The following PKHD1 variants were observed in gnomAD, a reference collection of about 807,000 sequenced individuals.
PKHD1 encodes the protein fibrocystin.
PKHD1 carries 291 observed loss-of-function variants against 412.0 expected under a neutral mutation model. That is an observed-to-expected ratio of 0.71 (90% CI 0.64 to 0.78). The LOEUF is 0.78. Among genes scored for constraint, PKHD1 ranks in the 30% least tolerant of loss-of-function variants. The pLI is 0.00. For synonymous variants in PKHD1, 1,777 were observed against 1,821.5 expected (o/e 0.98, Z 0.62); for missense variants, 4,825 against 4,950.7 (o/e 0.97, Z 0.76).
intron 34 of PKHD1, among the ~76,000 whole-genome samples, chr6:52,011,680 T>G (rs2894793): frequency 0.013 from 1,927 of 152,336 alleles, 27 homozygotes; most frequent in South Asian, 0.047. Context: ...AATGTTTTCT[T>G]CCACAATTTT....
rs113144792 is a variant in PKHD1, at chr6:51,616,527, A to ATT, written c.*2552_*2553dup. ...CTTTTGGTGTTTCCCTAATTCTCTC[A>ATT]TTTTTTTTTTTTTTTAGGAGAAAGA... On this transcript the variant is annotated 3_prime_UTR_variant, in exon 67 of 67. Transcript: ENST00000371117. 5,277 of 359,846 alleles carry ATT rather than the reference A, an allele frequency of 0.015. 32 individuals are homozygous for ATT. Among genetic ancestry groups the ATT allele is most frequent in the African/African-American group, 0.024 (1,096 of 44,924 alleles). The allele number at this position is 359,846 out of a possible 1,614,324, so 22.3% of individuals were successfully genotyped here.
At chr6:51,831,046 T>C in intron 51 of PKHD1, 57 bp from the exon 52 acceptor site, 1 of 1,369,034 alleles carries the variant, frequency 7.3e-7, no homozygotes, top group Non-Finnish European at 1.0e-6. Flanking sequence ...TTCCAAATTC[T>C]ATCCTTATTT....
chr6:51,757,959 T>TATGATC (rs946358217), intron 55 of PKHD1, among the ~76,000 whole-genome samples: 6 of 147,856 alleles, frequency 4.1e-5, no homozygotes, highest in South Asian at 2.1e-4. Context: ...TGGAGTGAGC[T>TATGATC]ATGATCATGC....
intron 60 of PKHD1, among the ~76,000 whole-genome samples, chr6:51,743,967 C>G (rs1270409006): frequency 6.6e-6 from 1 of 152,064 alleles, no homozygotes; most frequent in Non-Finnish European, 1.5e-5. Context: ...TGACATCTAC[C>G]CTACCATTGA....
chr6:51,944,581 CTA>C (rs1200607733), intron 36 of PKHD1, among the ~76,000 whole-genome samples: 2 of 152,164 alleles, frequency 1.3e-5, no homozygotes, highest in Non-Finnish European at 2.9e-5. Context: ...TTCCATACCC[CTA>C]TGATTTCATC....
intron 52 of PKHD1, among the ~76,000 whole-genome samples, chr6:51,804,463 T>G (rs1030021414): frequency 1.4e-5 from 2 of 147,880 alleles, no homozygotes; most frequent in Non-Finnish European, 2.9e-5. Flanking sequence ...GCTATTGTTT[T>G]CATATGCCCA....
intron 37 of PKHD1, among the ~76,000 whole-genome samples, chr6:51,927,129 C>T (rs1455539786): frequency 2.0e-5 from 3 of 152,122 alleles, no homozygotes; most frequent in Non-Finnish European, 2.9e-5. Context: ...CATTCTTCCC[C>T]TCTATTTAAT....
At chr6:52,082,585 T>C (rs746347564) in intron 3 of PKHD1, 43 bp from the exon 4 acceptor site, 2 of 1,600,174 alleles carry the variant, frequency 1.2e-6, no homozygotes, top group Non-Finnish European at 1.7e-6. Context: ...AGAATTGTCA[T>C]TGACACAGGA....
intron 55 of PKHD1, among the ~76,000 whole-genome samples, chr6:51,761,023 G>A (rs1049430465): frequency 6.6e-6 from 1 of 152,082 alleles, no homozygotes; most frequent in Non-Finnish European, 1.5e-5. Context: ...AAAGAGTTTG[G>A]AGGGTCCTCA....
At chr6:51,630,828 C>G (rs12207540) in intron 65 of PKHD1, among the ~76,000 whole-genome samples, 1 of 152,176 alleles carries the variant, frequency 6.6e-6, no homozygotes. Flanking sequence ...GTAAAACTTT[C>G]ATAAAGTTCC....
At position 52,079,056 on chromosome 6, in the gene PKHD1, T is replaced by C. The variant is rs569772846; in HGVS notation, c.390+844A>G. The stretch of plus-strand genomic sequence containing the variant: ...AGCATTCATTAGTGACTGCATTGTA[T>C]GTTTTGAAACAGCTCTTAAACAGAG... On this transcript the variant is annotated intron_variant, in intron 5 of 66. Coordinates refer to ENST00000371117, the MANE Select transcript of PKHD1 (RefSeq NM_138694.4). Among the ~76,000 whole-genome samples the C allele has an allele frequency of 9.8e-5, 15 of 152,358 alleles. No individual in the cohort carries two copies. The South Asian group carries it at 1.5e-3, about 15-fold the overall frequency.
chr6:52,055,983 T>C (rs887914654), intron 18 of PKHD1, among the ~76,000 whole-genome samples: 1 of 152,156 alleles, frequency 6.6e-6, no homozygotes, highest in African/African-American at 2.4e-5. Flanking sequence ...GAGCAGGAGT[T>C]TTCAACCTCA....
chr6:51,983,630 G>T (rs1795854313), intron 35 of PKHD1, among the ~76,000 whole-genome samples: 1 of 152,256 alleles, frequency 6.6e-6, no homozygotes, highest in Non-Finnish European at 1.5e-5. Context: ...AAGCGGAGGT[G>T]AAGAAAGCAG....
In PKHD1 at chr6:52,079,987, A is replaced by C; in HGVS notation, c.303T>G (p.His101Gln). Residue 101 changes from histidine (H) to glutamine (Q), a missense_variant, in exon 5 of 67, where the codon CAT becomes CAG. By Grantham distance (24) the His-to-Gln change is conservative. Coordinates refer to ENST00000371117, the MANE Select transcript of PKHD1 (RefSeq NM_138694.4). The stretch of plus-strand genomic sequence containing the variant: ...ATGCTTCCAGGAAGTACAGACCCTC[A>C]TGTGCTTCAGACAGCACAGATCTGA... ...CRTRSVLSEA[H>Q]EGLYFLEAYF... 6 of 1,606,218 alleles carry C rather than the reference A, an allele frequency of 3.7e-6. No homozygotes were observed. The highest frequency in any genetic ancestry group is 5.1e-6 in the Non-Finnish European group (6 of 1,172,836).
chr6:51,675,094 G>C (rs923541693), intron 60 of PKHD1, among the ~76,000 whole-genome samples: 5 of 151,852 alleles, frequency 3.3e-5, no homozygotes, highest in Non-Finnish European at 7.4e-5. Context: ...TTTTAATTTT[G>C]GCGTGAGGCA....
chr6:51,950,220 A>ATATATATATATAT (rs1554156415), intron 36 of PKHD1, among the ~76,000 whole-genome samples: 6 of 98,328 alleles, frequency 6.1e-5, no homozygotes, highest in Non-Finnish European at 7.8e-5. Context: ...GAAAAAAAAA[A>ATATATATATATAT]ATATATATAT....
intron 37 of PKHD1, among the ~76,000 whole-genome samples, chr6:51,925,856 C>G (rs944088010): frequency 6.6e-6 from 1 of 151,452 alleles, no homozygotes; most frequent in Non-Finnish European, 1.5e-5. Context: ...TGGCTTATGA[C>G]TCAAATGGGG....
chr6:51,904,999 A>T (rs553047671), intron 41 of PKHD1, among the ~76,000 whole-genome samples: 2 of 152,304 alleles, frequency 1.3e-5, no homozygotes, highest in South Asian at 4.1e-4. Context: ...TTAGAGCTAG[A>T]GTATGTTTTA....
intron 61 of PKHD1, among the ~76,000 whole-genome samples, chr6:51,650,720 A>G (rs762007499): frequency 2.6e-5 from 4 of 152,080 alleles, no homozygotes; most frequent in Admixed American, 6.6e-5. Flanking sequence ...GCAGAGTGCA[A>G]ACATGTGGTC....
Sources: gnomAD v4.1 joint callset for allele counts (sites outside exome capture counted in the v4.1 genomes callset) on GRCh38, gnomAD v4.1.1 for gene constraint, MANE v1.5 for transcripts, NCBI Gene and HGNC (gene_info 2026-07-23, HGNC 2026-07-21) for gene names.